The following CDH8 variants were observed in gnomAD, a reference collection of about 807,000 sequenced individuals.
The protein encoded by CDH8 is cadherin 8, also known as cadherin-8.
A neutral mutation model predicts 68.1 loss-of-function variants in CDH8; 17 were observed. The observed-to-expected ratio is 0.25, with a 90% CI of 0.17 to 0.37. The LOEUF (loss-of-function observed/expected upper bound fraction) is 0.37. Ranked by LOEUF, CDH8 falls within the 10% of genes least tolerant of loss-of-function variation. The pLI, the probability that CDH8 is intolerant of heterozygous loss-of-function variation, is 1.00. For synonymous variants in CDH8, 372 were observed against 365.1 expected, an observed-to-expected ratio of 1.02 and a Z score of -0.21; for missense variants, 763 against 999.3, an observed-to-expected ratio of 0.76 and a Z score of 3.19.
chr16:61,709,972 T>C (rs62050473), intron 10 of CDH8, among the ~76,000 whole-genome samples: 19,665 of 152,128 alleles, frequency 0.13, 1,318 homozygotes, highest in African/African-American at 0.16. Flanking sequence ...TCAAAATCAC[T>C]GCACAAGATT....
chr16:61,957,140 C>G (rs915888332), intron 2 of CDH8, among the ~76,000 whole-genome samples: 1 of 152,060 alleles, frequency 6.6e-6, no homozygotes, highest in African/African-American at 2.4e-5. Context: ...CAATCAGAGA[C>G]TCAAGAGATC....
chr16:61,679,831 T>C lies in CDH8; in HGVS notation c.1655-24110A>G, dbSNP rs890727339. Among the ~76,000 whole-genome samples the C allele has an allele frequency of 2.0e-5, 3 of 151,954 alleles. No individual in the cohort carries two copies. The South Asian group carries it at 6.2e-4, about 32-fold the overall frequency. ...TCTACCCAAATGACTCTTCAGTGTT[T>C]TCTTGAATATGTCTCAAGATAAAAG... is the stretch of plus-strand genomic sequence containing the variant. On this transcript the variant is annotated intron_variant, in intron 10 of 11. Coordinates refer to ENST00000577390, the MANE Select transcript of CDH8 (RefSeq NM_001796.5).
chr16:61,672,920 C>T (rs148278516), intron 10 of CDH8, among the ~76,000 whole-genome samples: 16 of 152,164 alleles, frequency 1.1e-4, no homozygotes, highest in African/African-American at 3.8e-4. Context: ...TTAGGTAATA[C>T]AGATGTTGAT....
intron 10 of CDH8, among the ~76,000 whole-genome samples, chr16:61,666,202 GTGTGTATA>G (rs1344116818): frequency 6.7e-6 from 1 of 148,958 alleles, no homozygotes; most frequent in Non-Finnish European, 1.5e-5. Flanking sequence ...GTGTGTGTGT[GTGTGTATA>G]TATATATATA....
chr16:61,955,828 C>A (rs935048318), intron 2 of CDH8, among the ~76,000 whole-genome samples: 1 of 152,048 alleles, frequency 6.6e-6, no homozygotes, highest in African/African-American at 2.4e-5. Flanking sequence ...TGGGTTCTCT[C>A]CATGGCAAAT....
chr16:61,859,483 T>C (rs898017139), intron 3 of CDH8, among the ~76,000 whole-genome samples: 1 of 152,116 alleles, frequency 6.6e-6, no homozygotes, highest in Non-Finnish European at 1.5e-5. Flanking sequence ...CTAGGAAATA[T>C]GGAAGAAATT....
At chr16:61,689,791 A>G (rs1964182565) in intron 10 of CDH8, among the ~76,000 whole-genome samples, 1 of 152,084 alleles carries the variant, frequency 6.6e-6, no homozygotes, top group South Asian at 2.1e-4. Context: ...AGATTTAAAC[A>G]TAAATCATAA....
chr16:61,726,949 C>T, intron 9 of CDH8, 145 bp downstream of exon 9: 1 of 825,464 alleles, frequency 1.2e-6, no homozygotes, highest in African/African-American at 1.7e-5. Flanking sequence ...AAAAAAAATT[C>T]CCTCTCTGTT....
intron 4 of CDH8, among the ~76,000 whole-genome samples, chr16:61,850,082 G>C (rs977881110): frequency 1.3e-5 from 2 of 152,064 alleles, no homozygotes; most frequent in African/African-American, 4.8e-5. Context: ...GAATACCTGA[G>C]ACTGGGTAAT....
intron 2 of CDH8, among the ~76,000 whole-genome samples, chr16:61,988,361 A>C (rs964988997): frequency 6.6e-6 from 1 of 152,232 alleles, no homozygotes; most frequent in African/African-American, 2.4e-5. Context: ...CAGGGACAGA[A>C]TTAATATGCA....
At chr16:62,023,686 T>A (rs1449129003) in intron 1 of CDH8, among the ~76,000 whole-genome samples, 1 of 152,066 alleles carries the variant, frequency 6.6e-6, no homozygotes, top group East Asian at 1.9e-4. Flanking sequence ...GTCACAAAGT[T>A]ACGCAAAGAT....
At chr16:61,828,251 G>C (rs528748683) in intron 4 of CDH8, among the ~76,000 whole-genome samples, 1 of 151,878 alleles carries the variant, frequency 6.6e-6, no homozygotes, top group South Asian at 2.1e-4. Flanking sequence ...TATGGTCTAC[G>C]AAAGGGGAGG....
At chr16:61,913,091 T>A (rs1023537812) in intron 2 of CDH8, among the ~76,000 whole-genome samples, 3 of 152,170 alleles carry the variant, frequency 2.0e-5, no homozygotes, top group African/African-American at 7.2e-5. Flanking sequence ...GTTTCAGATT[T>A]TGGATTTTTA....
chr16:61,958,025 A>G (rs117912305), intron 2 of CDH8, among the ~76,000 whole-genome samples: 19 of 152,348 alleles, frequency 1.2e-4, no homozygotes, highest in Non-Finnish European at 2.6e-4. Context: ...TGCATTGGCT[A>G]TATTACAGGC....
At chr16:61,997,857 CA>C (rs1360022618) in intron 2 of CDH8, among the ~76,000 whole-genome samples, 7 of 152,114 alleles carry the variant, frequency 4.6e-5, no homozygotes, top group Admixed American at 2.6e-4. Context: ...ATATAAACTC[CA>C]AAAATACAAA....
intron 2 of CDH8, among the ~76,000 whole-genome samples, chr16:61,911,654 C>A: frequency 6.7e-6 from 1 of 148,828 alleles, no homozygotes; most frequent in Non-Finnish European, 1.5e-5. Context: ...CTCTTTTTCA[C>A]TCTTGATAGG....
At chr16:61,814,403 C>T (rs1962027397) in intron 7 of CDH8, among the ~76,000 whole-genome samples, 1 of 152,166 alleles carries the variant, frequency 6.6e-6, no homozygotes. Flanking sequence ...CATTTTCCCC[C>T]GTAAAGGAAT....
rs1292436702 is a variant in CDH8 at position 61,650,669 on chromosome 16, T to C, written c.*2939A>G. Reference sequence around the variant, plus strand: ...TCAAAATGTGTGTTTTTTATTTGTTTGTTGTGTGTGTGTGTGTGTGTGTGT... The same window carrying C: ...TCAAAATGTGTGTTTTTTATTTGTTCGTTGTGTGTGTGTGTGTGTGTGTGT... On this transcript the variant is annotated 3_prime_UTR_variant, in exon 12 of 12. Transcript: ENST00000577390. 7.7e-6 allele frequency: 1 copy of C among 129,158 alleles called. No homozygotes were observed. Among genetic ancestry groups the C allele is most frequent in the Admixed American group, 7.5e-5 (1 of 13,406 alleles). The allele number at this position is 129,158 out of a possible 1,614,324, so 8.0% of individuals were successfully genotyped here.
chr16:61,861,053 T>C (rs1963141038), intron 3 of CDH8, among the ~76,000 whole-genome samples: 1 of 152,186 alleles, frequency 6.6e-6, no homozygotes, highest in Non-Finnish European at 1.5e-5. Context: ...TATATGTAGG[T>C]ACCTATCACA....
Sources: allele counts gnomAD v4.1 joint callset (sites outside exome capture counted in the v4.1 genomes callset), GRCh38; gene constraint gnomAD v4.1.1; transcripts MANE v1.5; gene names NCBI Gene and HGNC (gene_info 2026-07-23, HGNC 2026-07-21).